Variants in CWF19L2 observed in about 807,000 individuals in gnomAD.
CWF19L2 encodes the protein CWF19-like protein 2.
A neutral mutation model predicts 111.7 loss-of-function variants in CWF19L2; 98 were observed. The ratio of observed to expected loss-of-function variants is 0.88; its 90% CI spans 0.75 to 1.04. CWF19L2 has a LOEUF of 1.04. Ranked by LOEUF, CWF19L2 falls within the 50% of genes least tolerant of loss-of-function variation. The pLI is 0.00. For missense variants in CWF19L2, 1,101 were observed against 1,051.4 expected (o/e 1.05, Z -0.65); for synonymous variants, 351 against 342.9 (o/e 1.02, Z -0.26).
In CWF19L2 at chr11:107,326,914, T is replaced by C. The variant is rs3758911; in HGVS notation, c.2681A>G (p.Tyr894Cys). ...TTTTAAAATGGAAGGTACACCTCAA[T>C]AGTTTTTACTTTTGGTGAAGTCATA... ...KPYDFTKSKNY is the reference protein window; with the variant it reads ...KPYDFTKSKNC Residue 894 changes from tyrosine (Y) to cysteine (C), a missense_variant, in exon 18 of 18, where the codon TAT becomes TGT. Tyr to Cys is a radical substitution (Grantham distance 194). Coordinates refer to ENST00000282251, the MANE Select transcript of CWF19L2 (RefSeq NM_152434.3). 0.32 allele frequency: 512,813 copies of C among 1,593,236 alleles called. 84,728 individuals carry two copies. The highest frequency in any genetic ancestry group is 0.34 in the Non-Finnish European group (399,156 of 1,172,726).
chr11:107,423,469 G>C (rs757403896), intron 8 of CWF19L2, among the ~76,000 whole-genome samples: 17 of 151,988 alleles, frequency 1.1e-4, no homozygotes, highest in Non-Finnish European at 2.2e-4. Context: ...TCCAGGGTCT[G>C]TCTCTCAAAT....
At chr11:107,399,394 T>C (rs1294644785) in intron 10 of CWF19L2, among the ~76,000 whole-genome samples, 3 of 152,028 alleles carry the variant, frequency 2.0e-5, no homozygotes, top group Non-Finnish European at 2.9e-5. Flanking sequence ...TTCACACAAA[T>C]GGACACCAAA....
intron 8 of CWF19L2, among the ~76,000 whole-genome samples, chr11:107,423,550 T>C (rs1425803368): frequency 3.3e-5 from 5 of 151,904 alleles, no homozygotes; most frequent in Admixed American, 3.3e-4. Flanking sequence ...AGGTTTTTCT[T>C]TCCAACTAAA....
chr11:107,367,697 G>A (rs1465563071), intron 12 of CWF19L2, among the ~76,000 whole-genome samples: 2 of 75,276 alleles, frequency 2.7e-5, no homozygotes, highest in African/African-American at 1.2e-4. Flanking sequence ...GGAGGGGGGA[G>A]GGATAGCATT....
intron 14 of CWF19L2, among the ~76,000 whole-genome samples, chr11:107,343,022 G>A (rs981224067): frequency 6.6e-6 from 1 of 152,074 alleles, no homozygotes; most frequent in Non-Finnish European, 1.5e-5. Context: ...CTTGATTTTA[G>A]CCCCATAAGA....
chr11:107,426,299 T>C (rs1466582610), intron 8 of CWF19L2, among the ~76,000 whole-genome samples: 1 of 151,850 alleles, frequency 6.6e-6, no homozygotes, highest in Admixed American at 6.6e-5. Context: ...AGTCTGTTTC[T>C]CAACTACACA....
intron 13 of CWF19L2, among the ~76,000 whole-genome samples, chr11:107,352,938 A>T (rs1860178041): frequency 6.6e-6 from 1 of 152,064 alleles, no homozygotes; most frequent in Non-Finnish European, 1.5e-5. Context: ...ACCAATGCTA[A>T]GCTCATTTCC....
At chr11:107,347,313 C>A (rs59250794) in intron 14 of CWF19L2, among the ~76,000 whole-genome samples, 206 of 152,138 alleles carry the variant, frequency 1.4e-3, no homozygotes, top group African/African-American at 3.8e-3. Flanking sequence ...CATTTGGCAA[C>A]AACATTTTGT....
chr11:107,387,461 ACAAAACAAAAAAC>A (rs1054387656), intron 12 of CWF19L2, among the ~76,000 whole-genome samples: 2 of 91,452 alleles, frequency 2.2e-5, no homozygotes, highest in African/African-American at 1.1e-4. Context: ...ACAAAACAAA[ACAAAACAAAAAAC>A]AAAAAAAACC....
intron 12 of CWF19L2, among the ~76,000 whole-genome samples, chr11:107,378,085 T>C (rs1329116351): frequency 2.0e-5 from 3 of 151,018 alleles, no homozygotes; most frequent in Non-Finnish European, 4.4e-5. Flanking sequence ...TCACAGCAGT[T>C]AGAATGGCAA....
Position 107,329,913 on chromosome 11 carries a change from C to T in CWF19L2, c.2541+5G>A, listed in dbSNP as rs201540673. Reference sequence around the variant, plus strand: ...TCTGGGATTTTATCAAATTTGTAAGCCTACCTTTCCAAAGTAATGAGGGAA... The same window carrying T: ...TCTGGGATTTTATCAAATTTGTAAGTCTACCTTTCCAAAGTAATGAGGGAA... On this transcript the variant is annotated splice_donor_5th_base_variant and intron_variant, in intron 17 of 17. Transcript: ENST00000282251. 38 of 1,546,286 alleles carry T rather than the reference C, an allele frequency of 2.5e-5. No homozygotes were observed. The highest frequency in any genetic ancestry group is 3.4e-4 in the Middle Eastern group (2 of 5,876).
At chr11:107,363,005 C>A (rs559642289) in intron 12 of CWF19L2, among the ~76,000 whole-genome samples, 1 of 152,024 alleles carries the variant, frequency 6.6e-6, no homozygotes, top group Non-Finnish European at 1.5e-5. Flanking sequence ...AAAACCAAGG[C>A]TCGAGAACTA....
chr11:107,429,570 G>C (rs181984470), intron 7 of CWF19L2, 119 bp from the exon 8 acceptor site: 1 of 682,166 alleles, frequency 1.5e-6, no homozygotes, highest in East Asian at 2.8e-5. Flanking sequence ...CACTAACGGG[G>C]TGAAAGAAGA....
intron 14 of CWF19L2, among the ~76,000 whole-genome samples, chr11:107,340,235 T>G (rs184769369): frequency 6.6e-6 from 1 of 152,296 alleles, no homozygotes; most frequent in African/African-American, 2.4e-5. Flanking sequence ...CTTGACAATT[T>G]TATCTTGTTT....
At chr11:107,384,248 T>C (rs1860732918) in intron 12 of CWF19L2, among the ~76,000 whole-genome samples, 1 of 152,226 alleles carries the variant, frequency 6.6e-6, no homozygotes, top group Non-Finnish European at 1.5e-5. Flanking sequence ...TTATCCAAAA[T>C]GCTTGGAACC....
At chr11:107,446,312 C>T (rs1254687978) in intron 3 of CWF19L2, among the ~76,000 whole-genome samples, 3 of 152,200 alleles carry the variant, frequency 2.0e-5, no homozygotes, top group East Asian at 3.8e-4. Flanking sequence ...GTTATATTTA[C>T]ATACATACAC....
At chr11:107,357,154 T>C (rs554322080) in intron 12 of CWF19L2, among the ~76,000 whole-genome samples, 189 of 152,206 alleles carry the variant, frequency 1.2e-3, no homozygotes, top group African/African-American at 4.3e-3. Flanking sequence ...GAATCAAAAC[T>C]GGTTGGTCTG....
At chr11:107,396,883 C>A (rs987665311) in intron 10 of CWF19L2, among the ~76,000 whole-genome samples, 1 of 152,120 alleles carries the variant, frequency 6.6e-6, no homozygotes, top group African/African-American at 2.4e-5. Flanking sequence ...CACTTCCTCC[C>A]GAACATACCC....
At chr11:107,408,936 T>C (rs1325400320) in intron 10 of CWF19L2, among the ~76,000 whole-genome samples, 1 of 152,020 alleles carries the variant, frequency 6.6e-6, no homozygotes, top group Admixed American at 6.6e-5. Context: ...AAAGGCCTTC[T>C]ACAAAGAAGG....
Sources: gnomAD v4.1 joint callset for allele counts (sites outside exome capture counted in the v4.1 genomes callset) on GRCh38, gnomAD v4.1.1 for gene constraint, MANE v1.5 for transcripts, NCBI Gene and HGNC (gene_info 2026-07-23, HGNC 2026-07-21) for gene names.